Variants in MPDZ observed in about 807,000 individuals in gnomAD.
MPDZ encodes multiple PDZ domain protein.
A neutral mutation model predicts 239.1 loss-of-function variants in MPDZ; 234 were observed. The observed-to-expected ratio is 0.98, with a 90% confidence interval of 0.88 to 1.09. The LOEUF (loss-of-function observed/expected upper bound fraction) is 1.09. Among genes scored for constraint, MPDZ ranks in the 50% least tolerant of loss-of-function variants. The pLI is 0.00. For synonymous variants in MPDZ, 1,048 were observed against 881.3 expected (o/e 1.19, Z -3.35); for missense variants, 3,175 against 2,510.0 (o/e 1.26, Z -5.66).
intron 12 of MPDZ, among the ~76,000 whole-genome samples, chr9:13,197,010 A>G (rs1587709461): frequency 6.6e-6 from 1 of 151,926 alleles, no homozygotes; most frequent in African/African-American, 2.4e-5. Flanking sequence ...AATTTAAAAA[A>G]TGTTAAAAAA....
chr9:13,213,826 A>G (rs1957951189), intron 10 of MPDZ, among the ~76,000 whole-genome samples: 1 of 152,070 alleles, frequency 6.6e-6, no homozygotes, highest in Non-Finnish European at 1.5e-5. Context: ...TGACAAATTT[A>G]GGGGGAAGTT....
chr9:13,194,848 TC>T (rs1955437568), intron 13 of MPDZ, among the ~76,000 whole-genome samples: 1 of 152,058 alleles, frequency 6.6e-6, no homozygotes, highest in Non-Finnish European at 1.5e-5. Context: ...ACCCTATCCC[TC>T]CATGAAAATA....
intron 21 of MPDZ, among the ~76,000 whole-genome samples, chr9:13,173,827 T>C (rs1261667602): frequency 2.0e-5 from 3 of 152,160 alleles, no homozygotes; most frequent in African/African-American, 7.2e-5. Flanking sequence ...ATGCTCTTCT[T>C]AAAACACAAA....
intron 24 of MPDZ, among the ~76,000 whole-genome samples, chr9:13,157,020 T>C (rs911554690): frequency 6.8e-6 from 1 of 147,798 alleles, no homozygotes; most frequent in Non-Finnish European, 1.5e-5. Flanking sequence ...GCTGCTTCTT[T>C]GAAAGCAACA....
At chr9:13,111,135 C>G (rs1271209309) in intron 43 of MPDZ, among the ~76,000 whole-genome samples, 1 of 151,668 alleles carries the variant, frequency 6.6e-6, no homozygotes, top group Non-Finnish European at 1.5e-5. Flanking sequence ...AACTAAGGCC[C>G]AGAGGCCAAA....
rs184665453 is a variant in MPDZ, at chr9:13,210,224, C to G, written c.1291-4125G>C. Among the ~76,000 whole-genome samples, 329 of 152,110 alleles carry G rather than the reference C, an allele frequency of 2.2e-3. 3 individuals are homozygous for G. Among genetic ancestry groups the G allele is most frequent in the African/African-American group, 7.5e-3 (311 of 41,522 alleles). ...GGAAAAGAAATTACAAACCAAGAAT[C>G]TTATACTTAGTGTGATGTATGAGAA... On this transcript the variant is annotated intron_variant, in intron 10 of 46. Transcript: ENST00000319217.
intron 26 of MPDZ, among the ~76,000 whole-genome samples, chr9:13,145,105 G>A (rs1463327610): frequency 2.6e-5 from 4 of 151,898 alleles, no homozygotes; most frequent in Admixed American, 2.6e-4. Context: ...ATTAGAATTT[G>A]GCCCTGATAG....
chr9:13,241,245 G>C (rs1173145869), intron 3 of MPDZ, among the ~76,000 whole-genome samples: 1 of 152,124 alleles, frequency 6.6e-6, no homozygotes, highest in Non-Finnish European at 1.5e-5. Flanking sequence ...CCTAGATAAT[G>C]CACACTAGAG....
At position 13,186,272 on chromosome 9, in the gene MPDZ, G is replaced by A. The variant is rs1262109099; in HGVS notation, c.2479C>T (p.Leu827=). 1 of 1,574,804 alleles carries A rather than the reference G, an allele frequency of 6.3e-7. No individual in the cohort carries two copies. Among genetic ancestry groups the A allele is most frequent in the Admixed American group, 1.8e-5 (1 of 55,666 alleles). Residue 827 remains leucine, a splice_region_variant and synonymous_variant, in exon 18 of 47, where the codon CTG becomes TTG. Coordinates refer to ENST00000319217, the MANE Select transcript of MPDZ (RefSeq NM_001378778.1). ...CTTGATAAGTCATAGCCACTAACCA[G>A]AGCCAAGTCAGCCCTGAAGAGGGGT... ...DKPLFRADLA[L]VGTNDADLVD... is the part of the protein sequence containing the mutation.
intron 30 of MPDZ, 123 bp downstream of exon 30, chr9:13,136,589 G>C (rs959809269): frequency 1.0e-5 from 7 of 682,518 alleles, no homozygotes; most frequent in African/African-American, 3.7e-5. Context: ...GCCTCCCAAA[G>C]TGCTGGGATT....
At chr9:13,240,580 TAAAAAAA>T (rs71331533) in intron 3 of MPDZ, among the ~76,000 whole-genome samples, 1 of 44,012 alleles carries the variant, frequency 2.3e-5, no homozygotes, top group Non-Finnish European at 3.6e-5. Flanking sequence ...ATAATAAAAG[TAAAAAAA>T]AAAAAAAAAA....
chr9:13,250,375 G>A lies in MPDZ; in HGVS notation c.-57-3C>T. On this transcript the variant is annotated splice_region_variant and splice_polypyrimidine_tract_variant and intron_variant, in intron 1 of 46. Coordinates refer to ENST00000319217, the MANE Select transcript of MPDZ (RefSeq NM_001378778.1). ...TTAACAGCAATTAAAATGGAACTCT[G>A]TGCAAAAAAGAAATAGAATGGTTAT... is the stretch of plus-strand genomic sequence containing the variant. 7.0e-7 allele frequency: 1 copy of A among 1,433,114 alleles called. No homozygotes were observed. Among genetic ancestry groups the A allele is most frequent in the Non-Finnish European group, 9.6e-7 (1 of 1,041,272 alleles). The allele number at this position is 1,433,114 out of a possible 1,614,324, so 88.8% of individuals were successfully genotyped here. A position where few individuals can be genotyped will look rare whatever the true frequency, so the allele number is the denominator to read the frequency against.
intron 22 of MPDZ, among the ~76,000 whole-genome samples, chr9:13,164,058 G>A (rs1420531980): frequency 6.6e-6 from 1 of 152,152 alleles, no homozygotes; most frequent in Non-Finnish European, 1.5e-5. Context: ...TGTAAGCTGA[G>A]GAGCACAATC....
At chr9:13,127,299 G>A (rs1040363586) in intron 32 of MPDZ, among the ~76,000 whole-genome samples, 6 of 152,168 alleles carry the variant, frequency 3.9e-5, no homozygotes, top group African/African-American at 1.4e-4. Flanking sequence ...CCAGACAACA[G>A]CATTTCAATC....
At chr9:13,150,011 A>G (rs1037348329) in intron 25 of MPDZ, among the ~76,000 whole-genome samples, 3 of 152,102 alleles carry the variant, frequency 2.0e-5, no homozygotes, top group African/African-American at 4.8e-5. Flanking sequence ...GTTTATCTGC[A>G]ATGAAATGAT....
At position 13,140,055 on chromosome 9, in the gene MPDZ, T is replaced by C; in HGVS notation, c.3935A>G (p.His1312Arg). 6.2e-7 allele frequency: 1 copy of C among 1,612,812 alleles called. No individual in the cohort carries two copies. Among genetic ancestry groups the C allele is most frequent in the Non-Finnish European group, 8.5e-7 (1 of 1,179,660 alleles). ...GATTTTGCTTGCAGATGACTGTGTGTGATCACTACCCATTTCGGCAAAGGC... is the reference window on the plus strand; with the variant it reads ...GATTTTGCTTGCAGATGACTGTGTGCGATCACTACCCATTTCGGCAAAGGC... ...PSAFAEMGSDHTQSSASKISQ... is the reference protein window; with the variant it reads ...PSAFAEMGSDRTQSSASKISQ... The change falls in exon 28 of 47, where the codon CAC becomes CGC. Residue 1312 changes from histidine (H) to arginine (R), a missense_variant. Transcript: ENST00000319217.
rs575429502 is a variant in MPDZ at position 13,137,579 on chromosome 9, C to T, written c.4200+378G>A. Reference sequence around the variant, plus strand: ...ACCCCACCTCACCCTCATCACTTCTCCCATTAGTGATTCAAGTTCCAGAAT... The same window carrying T: ...ACCCCACCTCACCCTCATCACTTCTTCCATTAGTGATTCAAGTTCCAGAAT... On this transcript the variant is annotated intron_variant, in intron 29 of 46. Coordinates refer to ENST00000319217, the MANE Select transcript of MPDZ (RefSeq NM_001378778.1). Among the ~76,000 whole-genome samples, 82 of 152,238 alleles carry T rather than the reference C, an allele frequency of 5.4e-4. 1 individual carries two copies. The highest frequency in any genetic ancestry group is 3.4e-3 in the Middle Eastern group (1 of 294).
chr9:13,211,295 C>A (rs1233968649), intron 10 of MPDZ, among the ~76,000 whole-genome samples: 1 of 152,052 alleles, frequency 6.6e-6, no homozygotes, highest in Non-Finnish European at 1.5e-5. Context: ...TTAAAAGGGG[C>A]AGTTGATGAC....
intron 41 of MPDZ, 115 bp from the exon 42 acceptor site, chr9:13,113,169 G>A (rs531195897): frequency 1.2e-6 from 1 of 856,482 alleles, no homozygotes; most frequent in South Asian, 1.8e-5. Context: ...CTTTTTTTAA[G>A]GGGGTGCTCA....
Sources: allele counts gnomAD v4.1 joint callset (sites outside exome capture counted in the v4.1 genomes callset), GRCh38; gene constraint gnomAD v4.1.1; transcripts MANE v1.5; gene names NCBI Gene and HGNC (gene_info 2026-07-23, HGNC 2026-07-21).